TM6SF2: variants seen among roughly 807,000 people sequenced by gnomAD.
TM6SF2 encodes the protein transmembrane 6 superfamily member 2.
TM6SF2 carries 29 observed loss-of-function variants against 41.0 expected under a neutral mutation model. The observed-to-expected ratio is 0.71, with a 90% CI of 0.53 to 0.96. The LOEUF (loss-of-function observed/expected upper bound fraction) is 0.96, where lower values mean the gene tolerates loss of function less well. Ranked by LOEUF, TM6SF2 falls within the 50% of genes least tolerant of loss-of-function variation. The pLI is 0.00. For synonymous variants in TM6SF2, 200 were observed against 209.1 expected, an observed-to-expected ratio of 0.96 and a Z score of 0.37; for missense variants, 475 against 499.0, an observed-to-expected ratio of 0.95 and a Z score of 0.46.
rs2061003529 is a variant in TM6SF2 at position 19,266,528 on chromosome 19, G to A, written c.886C>T (p.Pro296Ser). Residue 296 changes from proline (P) to serine (S), a missense_variant, in exon 9 of 10, where the codon CCA becomes TCA. Pro to Ser is a moderately conservative substitution (Grantham distance 74, BLOSUM62 -1). Coordinates refer to ENST00000389363, the MANE Select transcript of TM6SF2 (RefSeq NM_001001524.3). ...CCAGCAAACACCAAGGCCCAGTCTG[G>A]AAGCCAGGAGCAACCAGGGAAGGTG... ...ALTFPGCSWL[P>S]DWALVFAGGI... is the part of the protein sequence containing the mutation. 2 of 1,613,946 alleles carry A rather than the reference G, an allele frequency of 1.2e-6. No individual in the cohort carries two copies. Among genetic ancestry groups the A allele is most frequent in the Non-Finnish European group, 8.5e-7 (1 of 1,179,978 alleles).
At chr19:19,264,963 G>T in intron 9 of TM6SF2, 90 bp from the exon 10 acceptor site, 1 of 869,120 alleles carries the variant, frequency 1.2e-6, no homozygotes, top group Non-Finnish European at 1.6e-6. Context: ...AGGTCAGGCA[G>T]AACCCAGGGG....
Position 19,269,636 on chromosome 19 carries a change from G to A in TM6SF2, c.484+51C>T, listed in dbSNP as rs183516352. 5.6e-6 allele frequency: 9 copies of A among 1,610,138 alleles called. No individual in the cohort carries two copies. The Admixed American group carries it at 8.3e-5, about 15-fold the overall frequency. On this transcript the variant is annotated intron_variant, in intron 5 of 9. Coordinates refer to ENST00000389363, the MANE Select transcript of TM6SF2 (RefSeq NM_001001524.3). ...CCAATGGGGGTGCTTCTAGGTGCAG[G>A]GCAGTGACCAAGCCCAAGAGAACCT...
chr19:19,269,373 A>G lies in TM6SF2; in HGVS notation c.484+314T>C, dbSNP rs561940016. Among the ~76,000 whole-genome samples, 6 of 151,784 alleles carry G rather than the reference A, an allele frequency of 4.0e-5. No individual in the cohort carries two copies. The South Asian group carries it at 1.3e-3, about 32-fold the overall frequency. ...TTCACTGCTCTACCTCCCAAGACCT[A>G]CCCCTGAAGCTTTCACCCTGTCCCC... On this transcript the variant is annotated intron_variant, in intron 5 of 9. Transcript: ENST00000389363.
At chr19:19,272,838 G>A (rs1202915332) in intron 1 of TM6SF2, among the ~76,000 whole-genome samples, 1 of 152,092 alleles carries the variant, frequency 6.6e-6, no homozygotes, top group African/African-American at 2.4e-5. Flanking sequence ...ACCCTCCAAA[G>A]CTCTGGCTTG....
chr19:19,265,327 C>A (rs1404980858), intron 9 of TM6SF2, among the ~76,000 whole-genome samples: 1 of 151,902 alleles, frequency 6.6e-6, no homozygotes, highest in Admixed American at 6.6e-5. Context: ...GGATTACAGG[C>A]ATAAGCCACC....
In TM6SF2 at chr19:19,267,650, G is replaced by A. The variant is rs777516403; in HGVS notation, c.775C>T (p.Arg259Trp). 23 of 1,613,662 alleles carry A rather than the reference G, an allele frequency of 1.4e-5. No individual in the cohort carries two copies. The highest frequency in any genetic ancestry group is 3.3e-5 in the Admixed American group (2 of 59,968). ...ACCTTAGGGTAGGCCACAGGGTCCC[G>A]CAGGTATGGCTCATACTGGTAGATA... ...VYIYQYEPYL[R>W]DPVAYPKVQM... Residue 259 changes from arginine to tryptophan, a missense_variant, in exon 8 of 10, where the codon CGG becomes TGG. By Grantham distance (101) the Arg-to-Trp change is moderately radical (BLOSUM62 -3). Coordinates refer to ENST00000389363, the MANE Select transcript of TM6SF2 (RefSeq NM_001001524.3).
chr19:19,265,937 C>A lies in TM6SF2; in HGVS notation c.924+553G>T, dbSNP rs370349813. ...CTAAATGTTTTCCTGGTCCCTACTT[C>A]CCTGGCCGGGGCCCAGGATTTAGCA... On this transcript the variant is annotated intron_variant, in intron 9 of 9. Transcript: ENST00000389363. 2.3e-4 allele frequency among the ~76,000 whole-genome samples: 35 copies of A among 152,282 alleles called. 1 individual carries two copies. In the East Asian group the frequency reaches 4.6e-3, roughly 20 times the overall value.
intron 6 of TM6SF2, 39 bp from the exon 7 acceptor site, chr19:19,268,126 T>C: frequency 6.8e-7 from 1 of 1,460,048 alleles, no homozygotes; most frequent in Non-Finnish European, 9.5e-7. Flanking sequence ...TGAGAGGTAG[T>C]CAATGACAAG....
chr19:19,269,661 T>C, intron 5 of TM6SF2, 26 bp downstream of exon 5: 1 of 1,613,846 alleles, frequency 6.2e-7, no homozygotes, highest in Non-Finnish European at 8.5e-7. Flanking sequence ...CAAGAGAACC[T>C]GGATTTCCCA....
At chr19:19,271,348 C>T (rs745940010) in intron 1 of TM6SF2, among the ~76,000 whole-genome samples, 32 of 152,200 alleles carry the variant, frequency 2.1e-4, no homozygotes, top group Non-Finnish European at 4.1e-4. Flanking sequence ...GTCTTTTCCA[C>T]TTGGCAAACT....
chr19:19,266,686 G>T, intron 8 of TM6SF2, 77 bp from the exon 9 acceptor site: 1 of 1,519,712 alleles, frequency 6.6e-7, no homozygotes, highest in East Asian at 2.5e-5. Flanking sequence ...AGACCCCTGA[G>T]GTGGAGGCCC....
Position 19,266,546 on chromosome 19 carries a change from G to A in TM6SF2, c.868C>T (p.Pro290Ser). The change falls in exon 9 of 10, where the codon CCT becomes TCT. Residue 290 changes from proline (P) to serine (S), a missense_variant. Coordinates refer to ENST00000389363, the MANE Select transcript of TM6SF2 (RefSeq NM_001001524.3). ...CAGTCTGGAAGCCAGGAGCAACCAG[G>A]GAAGGTGAGAGCATAGGCAGCCAGG... is the stretch of plus-strand genomic sequence containing the variant. ...CGLAAYALTF[P>S]GCSWLPDWAL... 1 of 1,614,072 alleles carries A rather than the reference G, an allele frequency of 6.2e-7. No individual in the cohort carries two copies. The highest frequency in any genetic ancestry group is 1.1e-5 in the South Asian group (1 of 91,076).
Position 19,271,128 on chromosome 19 carries a change from G to A in TM6SF2, c.96-3C>T, listed in dbSNP as rs1480811890. The stretch of plus-strand genomic sequence containing the variant: ...TCATCAATGCCACCCACAGGGGGCT[G>A]TGGAGAGGGAAGCCAAGTCAGGGAG... On this transcript the variant is annotated splice_region_variant and splice_polypyrimidine_tract_variant and intron_variant, in intron 1 of 9. Coordinates refer to ENST00000389363, the MANE Select transcript of TM6SF2 (RefSeq NM_001001524.3). 8 of 1,613,222 alleles carry A rather than the reference G, an allele frequency of 5.0e-6. No homozygotes were observed. Among genetic ancestry groups the A allele is most frequent in the Non-Finnish European group, 6.8e-6 (8 of 1,179,250 alleles).
At position 19,270,227 on chromosome 19, in the gene TM6SF2, T is replaced by A. The variant is rs1400794525; in HGVS notation, c.347A>T (p.Asp116Val). ...GTAGAGGAGGTAGTGAACAGTGCCA[T>A]CCCAGTAGCAGATGAAGACTCCGTG... ...TAHGVFICYW[D>V]GTVHYLLYLA... The change falls in exon 4 of 10, where the codon GAT becomes GTT. Residue 116 changes from aspartate (D) to valine (V), a missense_variant. Asp to Val is a radical substitution (Grantham distance 152). Coordinates refer to ENST00000389363, the MANE Select transcript of TM6SF2 (RefSeq NM_001001524.3). The A allele has an allele frequency of 1.9e-6, 3 of 1,614,130 alleles. No individual in the cohort carries two copies. The highest frequency in any genetic ancestry group is 2.5e-6 in the Non-Finnish European group (3 of 1,180,026).
At chr19:19,269,911 G>T in intron 4 of TM6SF2, 142 bp from the exon 5 acceptor site, 1 of 1,532,388 alleles carries the variant, frequency 6.5e-7, no homozygotes, top group South Asian at 1.3e-5. Flanking sequence ...ACAGGGAGTT[G>T]AACGGGGAAA....
chr19:19,264,850 AG>A lies in TM6SF2; in HGVS notation c.947del (p.Ala316ValfsTer55), dbSNP rs1366147877. On this transcript the variant is annotated frameshift_variant, in exon 10 of 10. Coordinates refer to ENST00000389363, the MANE Select transcript of TM6SF2 (RefSeq NM_001001524.3). LOFTEE classifies it low-confidence loss of function (END_TRUNC). ...IGQAQFSHMG[A>X]SMHLRTPFTY... ...TGAAGGGTGTGCGCAGGTGCATGGA[AG>A]CCCCCATGTGCGAGAACTGTGCCTG... The A allele has an allele frequency of 3.8e-6, 6 of 1,583,758 alleles. No homozygotes were observed. Among genetic ancestry groups the A allele is most frequent in the Non-Finnish European group, 5.1e-6 (6 of 1,166,196 alleles).
intron 9 of TM6SF2, among the ~76,000 whole-genome samples, chr19:19,266,047 C>G (rs12459457): frequency 6.6e-6 from 1 of 152,144 alleles, no homozygotes; most frequent in Non-Finnish European, 1.5e-5. Context: ...CCCCATCACC[C>G]TCAGTACAAG....
chr19:19,267,543 T>C (rs1270996174), intron 8 of TM6SF2, 78 bp downstream of exon 8: 2 of 1,102,122 alleles, frequency 1.8e-6, no homozygotes. Flanking sequence ...GAGTTGTGCT[T>C]CTGGCACCTG....
chr19:19,264,980 A>C, intron 9 of TM6SF2, 107 bp from the exon 10 acceptor site: 1 of 616,760 alleles, frequency 1.6e-6, no homozygotes, highest in Non-Finnish European at 2.5e-6. Context: ...GGGGATGCCC[A>C]TCCCCACCTC....
Sources: allele counts gnomAD v4.1 joint callset (sites outside exome capture counted in the v4.1 genomes callset), GRCh38; gene constraint gnomAD v4.1.1; transcripts MANE v1.5; gene names NCBI Gene and HGNC (gene_info 2026-07-23, HGNC 2026-07-21).